The following ROBO2 variants were observed in gnomAD, a reference collection of about 807,000 sequenced individuals.
ROBO2 encodes roundabout homolog 2.
In ROBO2, 53 loss-of-function variants were observed where a neutral mutation model predicts 160.8. That is an observed-to-expected ratio of 0.33 (90% confidence interval 0.26 to 0.41). The LOEUF (loss-of-function observed/expected upper bound fraction) is 0.41. Ranked by LOEUF, ROBO2 falls within the 10% of genes least tolerant of loss-of-function variation. The pLI is 1.00. For synonymous variants in ROBO2, 664 were observed against 611.7 expected (o/e 1.09, Z -1.26); for missense variants, 1,577 against 1,722.4 (o/e 0.92, Z 1.49).
chr3:77,316,785 G>T (rs1441686914), intron 2 of ROBO2: 1 of 1,263,130 alleles, frequency 7.9e-7, no homozygotes, highest in Non-Finnish European at 1.2e-6. Flanking sequence ...GACCAAGCTT[G>T]TGGCCACCAG....
intron 2 of ROBO2, among the ~76,000 whole-genome samples, chr3:75,971,656 C>T (rs990140203): frequency 6.6e-6 from 1 of 151,302 alleles, no homozygotes; most frequent in Non-Finnish European, 1.5e-5. Flanking sequence ...AGTACAAATT[C>T]TAATAAATTC....
intron 2 of ROBO2, among the ~76,000 whole-genome samples, chr3:77,369,096 T>C (rs1033162043): frequency 6.6e-6 from 1 of 152,110 alleles, no homozygotes; most frequent in Admixed American, 6.6e-5. Context: ...GAAAAGCCAG[T>C]TAGAGCAATG....
chr3:77,462,748 T>G (rs774778772), intron 2 of ROBO2, among the ~76,000 whole-genome samples: 2 of 124,100 alleles, frequency 1.6e-5, no homozygotes, highest in Non-Finnish European at 3.5e-5. Flanking sequence ...CCTCCCTTAT[T>G]CTTTACTTTC....
intron 1 of ROBO2, among the ~76,000 whole-genome samples, chr3:75,919,888 T>C (rs551764850): frequency 6.6e-6 from 1 of 152,298 alleles, no homozygotes; most frequent in South Asian, 2.1e-4. Context: ...TGATATCCCC[T>C]TTATCATTTT....
intron 2 of ROBO2, among the ~76,000 whole-genome samples, chr3:77,270,057 A>G (rs921889614): frequency 6.6e-6 from 1 of 152,214 alleles, no homozygotes; most frequent in Non-Finnish European, 1.5e-5. Context: ...GAGAATAGTT[A>G]CCTTCATTTA....
At chr3:77,547,544 A>C (rs572452243) in intron 7 of ROBO2, among the ~76,000 whole-genome samples, 2 of 152,242 alleles carry the variant, frequency 1.3e-5, no homozygotes, top group South Asian at 2.1e-4. Context: ...TGCAACATAC[A>C]TGTGTGCAAG....
At chr3:76,879,341 G>T (rs1403971649) in intron 2 of ROBO2, among the ~76,000 whole-genome samples, 1 of 152,024 alleles carries the variant, frequency 6.6e-6, no homozygotes, top group Admixed American at 6.6e-5. Context: ...AGTAGGTCTG[G>T]GGTGTGTGTC....
intron 2 of ROBO2, among the ~76,000 whole-genome samples, chr3:76,772,189 G>A: frequency 6.6e-6 from 1 of 151,100 alleles, no homozygotes; most frequent in East Asian, 2.0e-4. Flanking sequence ...TATATTTTTA[G>A]TTCATGATTT....
intron 2 of ROBO2, among the ~76,000 whole-genome samples, chr3:76,127,072 G>T (rs987193096): frequency 2.0e-5 from 3 of 152,102 alleles, no homozygotes; most frequent in African/African-American, 7.2e-5. Context: ...GCTATCATGA[G>T]AGTTCTTAGA....
intron 2 of ROBO2, among the ~76,000 whole-genome samples, chr3:77,395,188 TGTAGTAGATTG>T (rs1441123977): frequency 6.6e-6 from 1 of 152,174 alleles, no homozygotes; most frequent in Admixed American, 6.6e-5. Flanking sequence ...TTGATTTTAA[TGTAGTAGATTG>T]CAAACACTGT....
At chr3:76,133,314 G>A (rs1185092333) in intron 2 of ROBO2, among the ~76,000 whole-genome samples, 1 of 151,908 alleles carries the variant, frequency 6.6e-6, no homozygotes, top group Non-Finnish European at 1.5e-5. Flanking sequence ...TCAAAGTATT[G>A]TGAAAAAACC....
intron 20 of ROBO2, among the ~76,000 whole-genome samples, chr3:77,605,052 GCTA>G (rs2094499539): frequency 6.6e-6 from 1 of 151,530 alleles, no homozygotes; most frequent in African/African-American, 2.4e-5. Flanking sequence ...TGTATTCCCA[GCTA>G]CTTGAGAGTC....
intron 2 of ROBO2, among the ~76,000 whole-genome samples, chr3:77,461,549 T>C (rs1432650137): frequency 1.3e-5 from 2 of 152,070 alleles, no homozygotes; most frequent in African/African-American, 4.8e-5. Context: ...TTAAAAACAT[T>C]AATGATATTT....
chr3:76,496,119 A>T (rs2080133896), intron 2 of ROBO2, among the ~76,000 whole-genome samples: 1 of 152,204 alleles, frequency 6.6e-6, no homozygotes, highest in African/African-American at 2.4e-5. Flanking sequence ...AATAATTTTC[A>T]TTTCGAGATT....
At chr3:76,795,818 T>A (rs2063654179) in intron 2 of ROBO2, among the ~76,000 whole-genome samples, 1 of 152,106 alleles carries the variant, frequency 6.6e-6, no homozygotes, top group African/African-American at 2.4e-5. Flanking sequence ...TTTGTCCAGA[T>A]ACATCAGAAA....
chr3:76,004,641 A>G (rs1019522391), intron 2 of ROBO2, among the ~76,000 whole-genome samples: 1 of 152,050 alleles, frequency 6.6e-6, no homozygotes, highest in African/African-American at 2.4e-5. Flanking sequence ...AAAAAGCTCT[A>G]ACTCCTTTGA....
At chr3:76,846,444 A>G (rs2068778586) in intron 2 of ROBO2, among the ~76,000 whole-genome samples, 1 of 152,136 alleles carries the variant, frequency 6.6e-6, no homozygotes, top group Non-Finnish European at 1.5e-5. Context: ...TATGAGAAAC[A>G]TCTTAACATA....
At chr3:75,955,080 A>AGTTT (rs926955464) in intron 2 of ROBO2, among the ~76,000 whole-genome samples, 13 of 151,714 alleles carry the variant, frequency 8.6e-5, no homozygotes, top group East Asian at 1.9e-4. Context: ...CCATCTATGT[A>AGTTT]GTTTGTTTGT....
intron 1 of ROBO2, among the ~76,000 whole-genome samples, chr3:75,908,468 C>T (rs1415259738): frequency 6.6e-6 from 1 of 151,044 alleles, no homozygotes; most frequent in Admixed American, 6.6e-5. Context: ...GACTGTGTCA[C>T]AGAAGTATTA....
Sources: allele counts gnomAD v4.1 joint callset (sites outside exome capture counted in the v4.1 genomes callset), GRCh38; gene constraint gnomAD v4.1.1; transcripts MANE v1.5; gene names NCBI Gene and HGNC (gene_info 2026-07-23, HGNC 2026-07-21).